The following SNX29 variants were observed in gnomAD, a reference collection of about 807,000 sequenced individuals.
The protein encoded by SNX29 is sorting nexin-29.
SNX29 carries 78 observed loss-of-function variants against 102.1 expected under a neutral mutation model. The observed-to-expected ratio is 0.76, with a 90% CI of 0.64 to 0.92. The LOEUF (loss-of-function observed/expected upper bound fraction) is 0.92, where lower values mean the gene tolerates loss of function less well. SNX29 is among the 40% of genes least tolerant of loss of function. The pLI is 0.00. For missense variants in SNX29, 1,280 were observed against 1,061.7 expected, an observed-to-expected ratio of 1.21 and a Z score of -2.86; for synonymous variants, 580 against 414.5, an observed-to-expected ratio of 1.40 and a Z score of -4.85.
intron 20 of SNX29, among the ~76,000 whole-genome samples, chr16:12,531,424 G>C (rs2076929556): frequency 6.6e-6 from 1 of 152,222 alleles, no homozygotes; most frequent in African/African-American, 2.4e-5. Context: ...CAGACAGAAG[G>C]CAGGGAGGGC....
At chr16:12,366,013 G>T (rs557551542) in intron 16 of SNX29, among the ~76,000 whole-genome samples, 4 of 127,086 alleles carry the variant, frequency 3.1e-5, no homozygotes, top group African/African-American at 8.9e-5. Flanking sequence ...CTGCACTCCA[G>T]CCTGGGCGTC....
chr16:12,241,965 G>A (rs77345275), intron 14 of SNX29, among the ~76,000 whole-genome samples: 1 of 152,196 alleles, frequency 6.6e-6, no homozygotes, highest in East Asian at 1.9e-4. Context: ...GGGTTGCGCC[G>A]ACTCCAGCAT....
chr16:12,480,027 A>G (rs776813143), intron 19 of SNX29, among the ~76,000 whole-genome samples: 1 of 152,230 alleles, frequency 6.6e-6, no homozygotes, highest in Non-Finnish European at 1.5e-5. Flanking sequence ...GAACTTTACC[A>G]TGGACAAATG....
At chr16:12,408,594 G>T (rs1482820730) in intron 18 of SNX29, among the ~76,000 whole-genome samples, 1 of 152,234 alleles carries the variant, frequency 6.6e-6, no homozygotes, top group African/African-American at 2.4e-5. Context: ...GCCAAGGCGG[G>T]TGGATCACCT....
intron 15 of SNX29, among the ~76,000 whole-genome samples, chr16:12,337,873 G>T (rs569345547): frequency 6.6e-6 from 1 of 152,124 alleles, no homozygotes; most frequent in Non-Finnish European, 1.5e-5. Context: ...TAAAAGCTCC[G>T]AAGAAGAAAA....
At chr16:12,469,821 G>T (rs1202227512) in intron 18 of SNX29, among the ~76,000 whole-genome samples, 2 of 152,164 alleles carry the variant, frequency 1.3e-5, no homozygotes, top group Admixed American at 1.3e-4. Context: ...GACCAGCCTG[G>T]CCAACATGGT....
rs560747908 is a variant in SNX29, at chr16:12,173,692, C to T, written c.1596-25909C>T. On this transcript the variant is annotated intron_variant, in intron 13 of 20. Transcript: ENST00000566228. ...TTGGGAGAAGGGAAGGCTTCATTTT[C>T]CAACCTCTGTGATGCCTGCAGAGAT... is the stretch of plus-strand genomic sequence containing the variant. Among the ~76,000 whole-genome samples, 3 of 152,348 alleles carry T rather than the reference C, an allele frequency of 2.0e-5. No individual in the cohort carries two copies. In the East Asian group the frequency reaches 5.8e-4, roughly 29 times the overall value.
intron 18 of SNX29, among the ~76,000 whole-genome samples, chr16:12,465,266 G>A (rs989426247): frequency 7.0e-6 from 1 of 142,462 alleles, no homozygotes; most frequent in African/African-American, 2.9e-5. Context: ...CCTGTGCTTT[G>A]GTAACATATT....
intron 13 of SNX29, among the ~76,000 whole-genome samples, chr16:12,195,701 A>G (rs567701232): frequency 1.3e-5 from 2 of 152,328 alleles, no homozygotes; most frequent in East Asian, 3.9e-4. Context: ...AATTCGCTAA[A>G]CGTGTATAAT....
Position 12,570,047 on chromosome 16 carries a change from G to C in SNX29, c.*1418G>C. The C allele has an allele frequency of 3.9e-6, 2 of 508,140 alleles. No individual in the cohort carries two copies. The highest frequency in any genetic ancestry group is 5.4e-6 in the Non-Finnish European group (2 of 370,424). 31.5% of individuals were successfully genotyped at this position (508,140 alleles called of 1,614,324 possible). On this transcript the variant is annotated 3_prime_UTR_variant, in exon 21 of 21. Coordinates refer to ENST00000566228, the MANE Select transcript of SNX29 (RefSeq NM_032167.5). ...TGAGCATGGAGCATCTCCTAGGCTC[G>C]AGGACATCTCTGGAGAATCATCTGG...
intron 14 of SNX29, among the ~76,000 whole-genome samples, chr16:12,225,670 C>G (rs1255233995): frequency 6.6e-6 from 1 of 152,158 alleles, no homozygotes; most frequent in African/African-American, 2.4e-5. Flanking sequence ...AGCCCAGGTA[C>G]AAGTTGTAAG....
intron 15 of SNX29, among the ~76,000 whole-genome samples, chr16:12,303,585 C>A (rs903638638): frequency 6.6e-6 from 1 of 152,126 alleles, no homozygotes; most frequent in Non-Finnish European, 1.5e-5. Context: ...AAGGCAAGGG[C>A]ATGGTAACCA....
At chr16:11,997,059 A>T (rs761714624) in intron 1 of SNX29, among the ~76,000 whole-genome samples, 1 of 152,170 alleles carries the variant, frequency 6.6e-6, no homozygotes, top group Non-Finnish European at 1.5e-5. Context: ...TTGAGTCAGG[A>T]TCACTGTTCC....
At chr16:12,480,878 G>GTTT (rs1555549286) in intron 19 of SNX29, among the ~76,000 whole-genome samples, 1 of 152,116 alleles carries the variant, frequency 6.6e-6, no homozygotes, top group East Asian at 1.9e-4. Context: ...TGTTGTTGTT[G>GTTT]TTTGTTTGGT....
In SNX29 at chr16:12,481,551, CA is replaced by C. The variant is rs1567608742; in HGVS notation, c.2178+3693del. 9.5e-3 allele frequency among the ~76,000 whole-genome samples: 1,351 copies of C among 142,276 alleles called. 4 individuals are homozygous for C. Among genetic ancestry groups the C allele is most frequent in the Middle Eastern group, 0.028 (8 of 282 alleles). 93.3% of individuals were successfully genotyped at this position (142,276 alleles called of 152,430 possible). A position where few individuals can be genotyped will look rare whatever the true frequency, so the allele number is the denominator to read the frequency against. On this transcript the variant is annotated intron_variant, in intron 19 of 20. Coordinates refer to ENST00000566228, the MANE Select transcript of SNX29 (RefSeq NM_032167.5). ...ACACACACACACACACACACACACA[CA>C]CACCCCAAATGTCACCCTGTCGCCC...
chr16:12,555,088 G>C (rs1042727740), intron 20 of SNX29, among the ~76,000 whole-genome samples: 1 of 151,234 alleles, frequency 6.6e-6, no homozygotes, highest in East Asian at 2.0e-4. Context: ...GAGGAAAAGT[G>C]AAAGGGCCAA....
At position 12,046,738 on chromosome 16, in the gene SNX29, A is replaced by G. The variant is rs566423812; in HGVS notation, c.499+284A>G. On this transcript the variant is annotated intron_variant, in intron 6 of 20. Transcript: ENST00000566228. ...GGGTTCAAGTCATTTTCCTGTCTCA[A>G]CCTTCCGAGAAGCTGGGATTACGGG... Among the ~76,000 whole-genome samples, 4 of 152,194 alleles carry G rather than the reference A, an allele frequency of 2.6e-5. No homozygotes were observed. The East Asian group carries it at 5.8e-4, about 22-fold the overall frequency.
At chr16:12,349,765 C>G (rs1398951817) in intron 15 of SNX29, among the ~76,000 whole-genome samples, 1 of 152,136 alleles carries the variant, frequency 6.6e-6, no homozygotes, top group African/African-American at 2.4e-5. Context: ...CCAAATGTGT[C>G]TGCAGTTTGG....
At chr16:12,024,387 C>T (rs956212805) in intron 3 of SNX29, among the ~76,000 whole-genome samples, 2 of 151,994 alleles carry the variant, frequency 1.3e-5, no homozygotes, top group African/African-American at 4.8e-5. Context: ...CCCAGGTGAT[C>T]CACCCGCCTT....
Sources: gnomAD v4.1 joint callset for allele counts (sites outside exome capture counted in the v4.1 genomes callset) on GRCh38, gnomAD v4.1.1 for gene constraint, MANE v1.5 for transcripts, NCBI Gene and HGNC (gene_info 2026-07-23, HGNC 2026-07-21) for gene names.